Variants in HTR1F observed in about 807,000 individuals in gnomAD.
HTR1F encodes the protein 5-hydroxytryptamine (serotonin) receptor 1F, G protein-coupled.
In HTR1F, 17 loss-of-function variants were observed where a neutral mutation model predicts 24.0. The ratio of observed to expected loss-of-function variants is 0.71; its 90% confidence interval spans 0.48 to 1.06. The LOEUF (loss-of-function observed/expected upper bound fraction) is 1.06, where lower values mean the gene tolerates loss of function less well. HTR1F is among the 50% of genes least tolerant of loss of function. HTR1F has a pLI of 0.00. For synonymous variants in HTR1F, 186 were observed against 156.8 expected (o/e 1.19, Z -1.39); for missense variants, 391 against 427.8 (o/e 0.91, Z 0.76).
At position 87,819,568 on chromosome 3, in the gene HTR1F, C is replaced by T. The variant is rs544041226; in HGVS notation, c.-159-2440C>T. Among the ~76,000 whole-genome samples, 130 of 151,574 alleles carry T rather than the reference C, an allele frequency of 8.6e-4. No homozygotes were observed. In the Middle Eastern group the frequency reaches 0.01, roughly 12 times the overall value. On this transcript the variant is annotated intron_variant, in intron 1 of 2. Coordinates refer to ENST00000319595, the MANE Select transcript of HTR1F (RefSeq NM_001322209.2). The stretch of plus-strand genomic sequence containing the variant: ...TTTGGATATCATCATTATGCTATGC[C>T]TTTTTTAAAAATAATTTTTCTGCTT...
At chr3:87,827,383 G>T (rs1323587412) in intron 2 of HTR1F, among the ~76,000 whole-genome samples, 1 of 151,608 alleles carries the variant, frequency 6.6e-6, no homozygotes, top group Non-Finnish European at 1.5e-5. Flanking sequence ...CCTTTCCCAG[G>T]CAGTCACATT....
intron 2 of HTR1F, among the ~76,000 whole-genome samples, chr3:87,830,844 G>T (rs571823228): frequency 2.0e-5 from 3 of 152,160 alleles, no homozygotes; most frequent in African/African-American, 7.2e-5. Flanking sequence ...AGAAGTTCCT[G>T]GGTGAAAATC....
chr3:87,918,015 T>C (rs1233814209), intron 2 of HTR1F, among the ~76,000 whole-genome samples: 1 of 151,986 alleles, frequency 6.6e-6, no homozygotes, highest in Non-Finnish European at 1.5e-5. Flanking sequence ...AAAAAGATAA[T>C]TCATCACGAA....
At chr3:87,926,940 C>T (rs1323540955) in intron 2 of HTR1F, among the ~76,000 whole-genome samples, 2 of 152,032 alleles carry the variant, frequency 1.3e-5, no homozygotes, top group Non-Finnish European at 2.9e-5. Context: ...TAAAATGGCC[C>T]AGAATTAAGT....
chr3:87,964,478 T>C (rs1705124258), intron 2 of HTR1F, among the ~76,000 whole-genome samples: 1 of 152,118 alleles, frequency 6.6e-6, no homozygotes, highest in Non-Finnish European at 1.5e-5. Context: ...CCACAACTCC[T>C]GACTCCACTC....
chr3:87,849,927 A>T lies in HTR1F; in HGVS notation c.-43+27803A>T, dbSNP rs560029482. Among the ~76,000 whole-genome samples the T allele has an allele frequency of 2.7e-4, 41 of 152,114 alleles. 1 individual carries two copies. Among genetic ancestry groups the T allele is most frequent in the African/African-American group, 9.7e-4 (40 of 41,344 alleles). The stretch of plus-strand genomic sequence containing the variant: ...AATGAGATACCATCTCACACCAGTT[A>T]GAATGATGATCATTAAAAAGTCAGG... On this transcript the variant is annotated intron_variant, in intron 2 of 2. Transcript: ENST00000319595.
intron 1 of HTR1F, among the ~76,000 whole-genome samples, chr3:87,817,379 A>T (rs138103064): frequency 2.0e-5 from 3 of 152,304 alleles, no homozygotes; most frequent in Non-Finnish European, 4.4e-5. Context: ...AGTCAATACC[A>T]TGCATCTTTG....
chr3:87,845,857 C>T (rs1262772947), intron 2 of HTR1F, among the ~76,000 whole-genome samples: 2 of 151,926 alleles, frequency 1.3e-5, no homozygotes, highest in African/African-American at 2.4e-5. Context: ...TATATATTTT[C>T]CTCTGCAAAT....
rs1190406860 is a variant in HTR1F, at chr3:87,993,044, T to C, written c.*1194T>C. ...TATTTATAAAAGGATTTGAAAACAATAGAACCATGAGTTTGAGAGGATTTT... is the reference window on the plus strand; with the variant it reads ...TATTTATAAAAGGATTTGAAAACAACAGAACCATGAGTTTGAGAGGATTTT... On this transcript the variant is annotated 3_prime_UTR_variant, in exon 3 of 3. Transcript: ENST00000319595. The C allele has an allele frequency of 1.2e-5, 2 of 166,968 alleles. No homozygotes were observed. The highest frequency in any genetic ancestry group is 2.9e-5 in the Non-Finnish European group (2 of 68,068). 10.3% of individuals were successfully genotyped at this position (166,968 alleles called of 1,614,324 possible).
At chr3:87,902,248 CTA>C (rs759558750) in intron 2 of HTR1F, among the ~76,000 whole-genome samples, 3 of 152,044 alleles carry the variant, frequency 2.0e-5, no homozygotes, top group Non-Finnish European at 4.4e-5. Flanking sequence ...AACAGAGACC[CTA>C]AAAAGATACT....
At chr3:87,947,991 T>C (rs1001208145) in intron 2 of HTR1F, among the ~76,000 whole-genome samples, 2 of 152,192 alleles carry the variant, frequency 1.3e-5, no homozygotes, top group Non-Finnish European at 2.9e-5. Flanking sequence ...ACCACTCATA[T>C]GTATGTTTTT....
intron 1 of HTR1F, chr3:87,793,138 C>G (rs996163825): frequency 6.6e-6 from 1 of 152,532 alleles, no homozygotes; most frequent in Non-Finnish European, 1.5e-5. Flanking sequence ...GGGGTCTGAC[C>G]CGGGCCCAAG....
chr3:87,890,389 G>A (rs1051168567), intron 2 of HTR1F, among the ~76,000 whole-genome samples: 7 of 152,094 alleles, frequency 4.6e-5, no homozygotes, highest in South Asian at 2.1e-4. Flanking sequence ...AATCCTTTGC[G>A]GAGTGAAGCA....
chr3:87,804,228 A>T (rs889650648), intron 1 of HTR1F, among the ~76,000 whole-genome samples: 2 of 152,136 alleles, frequency 1.3e-5, no homozygotes, highest in Admixed American at 6.6e-5. Flanking sequence ...TATTTTAATA[A>T]CATTTTCTTC....
At chr3:87,827,236 G>A (rs1257752562) in intron 2 of HTR1F, among the ~76,000 whole-genome samples, 1 of 150,896 alleles carries the variant, frequency 6.6e-6, no homozygotes, top group South Asian at 2.1e-4. Context: ...CATCCTCTAA[G>A]TTTCCTCCCC....
chr3:87,793,568 A>T (rs1703853107), intron 1 of HTR1F: 2 of 152,032 alleles, frequency 1.3e-5, no homozygotes, highest in African/African-American at 4.8e-5. Flanking sequence ...GACCGGCGGA[A>T]TGAGGGTTCA....
chr3:87,898,806 G>T (rs1706257143), intron 2 of HTR1F, among the ~76,000 whole-genome samples: 1 of 151,740 alleles, frequency 6.6e-6, no homozygotes, highest in Admixed American at 6.6e-5. Context: ...AAGAAATGTT[G>T]CTTATTTATA....
chr3:87,911,965 C>T (rs771251959), intron 2 of HTR1F, among the ~76,000 whole-genome samples: 2 of 151,922 alleles, frequency 1.3e-5, no homozygotes, highest in Non-Finnish European at 2.9e-5. Flanking sequence ...AACATCATAC[C>T]GAATGGGCAA....
chr3:87,885,557 GT>G (rs954571239), intron 2 of HTR1F, among the ~76,000 whole-genome samples: 2 of 151,932 alleles, frequency 1.3e-5, no homozygotes, highest in Non-Finnish European at 2.9e-5. Context: ...TCCAGGAGCT[GT>G]TTTTTTGAAA....
Sources: gnomAD v4.1 joint callset for allele counts (sites outside exome capture counted in the v4.1 genomes callset) on GRCh38, gnomAD v4.1.1 for gene constraint, MANE v1.5 for transcripts, NCBI Gene and HGNC (gene_info 2026-07-23, HGNC 2026-07-21) for gene names.